The following KARS1 variants were observed in gnomAD, a reference collection of about 807,000 sequenced individuals.
KARS1 encodes the protein lysyl-tRNA synthetase 1.
KARS1 carries 50 observed loss-of-function variants against 63.9 expected under a neutral mutation model. The observed-to-expected ratio is 0.78, with a 90% CI of 0.62 to 0.99. The LOEUF is 0.99. Among genes scored for constraint, KARS1 ranks in the 50% least tolerant of loss-of-function variants. The pLI is 0.00. For synonymous variants in KARS1, 320 were observed against 264.6 expected (o/e 1.21, Z -2.03); for missense variants, 816 against 754.5 (o/e 1.08, Z -0.95).
intron 8 of KARS1, 45 bp from the exon 9 acceptor site, chr16:75,631,634 C>T: frequency 6.2e-7 from 1 of 1,613,638 alleles, no homozygotes; most frequent in Non-Finnish European, 8.5e-7. Context: ...ATCCAGGCAG[C>T]CCTCCTCTGA....
intron 6 of KARS1, chr16:75,635,190 T>C (rs1212560071): frequency 5.5e-6 from 1 of 183,206 alleles, no homozygotes; most frequent in Non-Finnish European, 1.2e-5. Context: ...CCAAAATGTT[T>C]ACATATGTGC....
rs373381941 is a variant in KARS1 at position 75,629,937 on chromosome 16, G to A, written c.1425-396C>T. 4.6e-5 allele frequency among the ~76,000 whole-genome samples: 7 copies of A among 152,362 alleles called. No homozygotes were observed. In the East Asian group the frequency reaches 5.8e-4, roughly 13 times the overall value. The stretch of plus-strand genomic sequence containing the variant: ...CATTTGGTACAACGGTGAGGAGGGT[G>A]AGAGAGACCAGGAAGGTTTAATGAT... On this transcript the variant is annotated intron_variant, in intron 11 of 13. Coordinates refer to ENST00000302445, the MANE Select transcript of KARS1 (RefSeq NM_005548.3).
At chr16:75,634,934 G>T (rs775708334) in intron 6 of KARS1, among the ~76,000 whole-genome samples, 2 of 152,162 alleles carry the variant, frequency 1.3e-5, no homozygotes, top group Non-Finnish European at 2.9e-5. Flanking sequence ...TATCTCAACT[G>T]ATTGTTTAAA....
rs1242593786 is a variant in KARS1 at position 75,636,111 on chromosome 16, G to A, written c.483-13C>T. 1 of 1,480,408 alleles carries A rather than the reference G, an allele frequency of 6.8e-7. No individual in the cohort carries two copies. Among genetic ancestry groups the A allele is most frequent in the South Asian group, 1.1e-5 (1 of 87,408 alleles). 91.7% of individuals were successfully genotyped at this position (1,480,408 alleles called of 1,614,324 possible). On this transcript the variant is annotated splice_polypyrimidine_tract_variant and intron_variant, in intron 4 of 13. Transcript: ENST00000302445. ...TGATTTATAATTTCTGAGTGAAAAAGAAATGTAATTCAGTAACAACAATTC... is the reference window on the plus strand; with the variant it reads ...TGATTTATAATTTCTGAGTGAAAAAAAAATGTAATTCAGTAACAACAATTC...
At chr16:75,636,840 A>G (rs2151806483) in intron 3 of KARS1, among the ~76,000 whole-genome samples, 1 of 150,406 alleles carries the variant, frequency 6.6e-6, no homozygotes, top group South Asian at 2.1e-4. Flanking sequence ...GGGTTTCACC[A>G]TGTTGCCCAG....
Position 75,635,654 on chromosome 16 carries a change from C to T in KARS1, c.795+26G>A, listed in dbSNP as rs576023603. ...AGGCAAGCATTGCAAGGCAGCTCAT[C>T]ACGTCAGGCAAGGAACTCTCCTTAC... On this transcript the variant is annotated intron_variant, in intron 6 of 13. Coordinates refer to ENST00000302445, the MANE Select transcript of KARS1 (RefSeq NM_005548.3). The T allele has an allele frequency of 2.5e-6, 4 of 1,612,912 alleles. No individual in the cohort carries two copies. In the African/African-American group the frequency reaches 5.3e-5, roughly 21 times the overall value.
intron 1 of KARS1, 132 bp downstream of exon 1, chr16:75,647,446 G>T: frequency 1.2e-6 from 1 of 856,384 alleles, no homozygotes; most frequent in Non-Finnish European, 1.9e-6. Flanking sequence ...CAGCCACCAC[G>T]TCTCAGCATG....
chr16:75,643,471 G>A (rs185864951), intron 1 of KARS1, among the ~76,000 whole-genome samples: 2 of 151,172 alleles, frequency 1.3e-5, no homozygotes, highest in African/African-American at 2.4e-5. Flanking sequence ...TCTGCCTCCC[G>A]GGTTCACACC....
chr16:75,643,672 C>T (rs564131301), intron 1 of KARS1, among the ~76,000 whole-genome samples: 1 of 152,258 alleles, frequency 6.6e-6, no homozygotes, highest in East Asian at 1.9e-4. Flanking sequence ...AGCCACCACG[C>T]CTGGCCGAAT....
At chr16:75,646,483 G>A (rs1000499646) in intron 1 of KARS1, among the ~76,000 whole-genome samples, 2 of 151,708 alleles carry the variant, frequency 1.3e-5, no homozygotes, top group African/African-American at 4.8e-5. Flanking sequence ...GAAGGTTGCA[G>A]TGAGCTGAGA....
intron 1 of KARS1, chr16:75,642,701 G>C (rs755989700): frequency 1.3e-5 from 2 of 152,220 alleles, no homozygotes; most frequent in Non-Finnish European, 2.9e-5. Flanking sequence ...GCCTGACTTA[G>C]ACAACAAAAT....
rs975494497 is a variant in KARS1, at chr16:75,640,470, C to G, written c.223-121G>C. The G allele has an allele frequency of 3.3e-6, 3 of 900,164 alleles. No homozygotes were observed. In the African/African-American group the frequency reaches 5.0e-5, roughly 15 times the overall value. 55.8% of individuals were successfully genotyped at this position (900,164 alleles called of 1,614,324 possible). A position where few individuals can be genotyped will look rare whatever the true frequency, so the allele number is the denominator to read the frequency against. ...ACCCCAATACATTGTTTTCTTTAAC[C>G]AAGACCTCTGCATTACAGGATTGAA... On this transcript the variant is annotated intron_variant, in intron 2 of 13. Coordinates refer to ENST00000302445, the MANE Select transcript of KARS1 (RefSeq NM_005548.3).
chr16:75,632,072 T>G (rs2082121058), intron 7 of KARS1, among the ~76,000 whole-genome samples: 1 of 152,142 alleles, frequency 6.6e-6, no homozygotes, highest in African/African-American at 2.4e-5. Flanking sequence ...GTATTTTTAG[T>G]AGAGACAGGG....
At chr16:75,636,303 C>T (rs951549425) in intron 4 of KARS1, 151 bp downstream of exon 4, 1 of 758,036 alleles carries the variant, frequency 1.3e-6, no homozygotes, top group Non-Finnish European at 2.4e-6. Context: ...TACAGGTGAC[C>T]AGGTGGCCAC....
rs549200635 is a variant in KARS1 at position 75,631,678 on chromosome 16, G to T, written c.1078+15C>A. 3.7e-6 allele frequency: 6 copies of T among 1,614,174 alleles called. No individual in the cohort carries two copies. The East Asian group carries it at 1.3e-4, about 36-fold the overall frequency. ...TACCAACCACCCGATGAGTATGAGA[G>T]AGAGCAGGAGTCACCTGAAACCATC... On this transcript the variant is annotated intron_variant, in intron 8 of 13. Coordinates refer to ENST00000302445, the MANE Select transcript of KARS1 (RefSeq NM_005548.3).
intron 2 of KARS1, among the ~76,000 whole-genome samples, chr16:75,641,115 G>C (rs558970211): frequency 3.9e-5 from 6 of 152,100 alleles, no homozygotes; most frequent in African/African-American, 1.4e-4. Context: ...GTTGCAGTGA[G>C]ATCACACCAC....
intron 10 of KARS1, among the ~76,000 whole-genome samples, chr16:75,630,920 C>G (rs1201292224): frequency 2.0e-5 from 3 of 152,132 alleles, no homozygotes; most frequent in Non-Finnish European, 4.4e-5. Flanking sequence ...CAGGTGTGAG[C>G]CACCATGCCC....
chr16:75,631,827 A>G lies in KARS1; in HGVS notation c.944T>C (p.Val315Ala), dbSNP rs375699349. ...CCGGAACTGGCGTCCAATTTCATAA[A>G]CCCGGTCGATGCCACCAACCACAAG... ...KMLVVGGIDR[V>A]YEIGRQFRNE... Residue 315 changes from valine to alanine, a missense_variant, in exon 8 of 14, where the codon GTT becomes GCT. Val to Ala is a moderately conservative substitution (Grantham distance 64). Transcript: ENST00000302445. 12 of 1,613,586 alleles carry G rather than the reference A, an allele frequency of 7.4e-6. No homozygotes were observed. Among genetic ancestry groups the G allele is most frequent in the Non-Finnish European group, 9.3e-6 (11 of 1,179,964 alleles).
chr16:75,638,256 T>C (rs1382005510), intron 3 of KARS1, among the ~76,000 whole-genome samples: 2 of 151,902 alleles, frequency 1.3e-5, no homozygotes, highest in Non-Finnish European at 2.9e-5. Flanking sequence ...CTGGGACACA[T>C]GTGCAGAACA....
Sources: allele counts gnomAD v4.1 joint callset (sites outside exome capture counted in the v4.1 genomes callset), GRCh38; gene constraint gnomAD v4.1.1; transcripts MANE v1.5; gene names NCBI Gene and HGNC (gene_info 2026-07-23, HGNC 2026-07-21).